The following ZNF679 variants were observed in gnomAD, a reference collection of about 807,000 sequenced individuals.
ZNF679 encodes the protein hypothetical protein MGC42415.
Under a neutral mutation model 13.4 loss-of-function variants are expected in ZNF679, and 10 were observed. The ratio of observed to expected loss-of-function variants is 0.75; its 90% CI spans 0.46 to 1.27. The LOEUF (loss-of-function observed/expected upper bound fraction) is 1.27, where lower values mean the gene tolerates loss of function less well. ZNF679 is among the 50% of genes most tolerant of loss of function. ZNF679 has a pLI of 0.00. For synonymous variants in ZNF679, 179 were observed against 162.5 expected (o/e 1.10, Z -0.77); for missense variants, 525 against 477.8 (o/e 1.10, Z -0.92).
intron 1 of ZNF679, among the ~76,000 whole-genome samples, chr7:64,242,845 T>C (rs1787816405): frequency 6.6e-6 from 1 of 152,112 alleles, no homozygotes; most frequent in African/African-American, 2.4e-5. Context: ...ACACCTCTTC[T>C]ATTAGCAAGG....
intron 2 of ZNF679, among the ~76,000 whole-genome samples, chr7:64,253,585 A>G (rs1262866536): frequency 1.3e-5 from 2 of 152,242 alleles, no homozygotes; most frequent in African/African-American, 4.8e-5. Context: ...ACTTTGTAAA[A>G]TAAAACAAAA....
intron 1 of ZNF679, among the ~76,000 whole-genome samples, chr7:64,236,863 AAAAG>A (rs1306434059): frequency 6.8e-6 from 1 of 146,326 alleles, no homozygotes; most frequent in East Asian, 2.2e-4. Flanking sequence ...AAGAAAGAAA[AAAAG>A]AAAGAAGAAA....
intron 1 of ZNF679, among the ~76,000 whole-genome samples, chr7:64,244,998 G>A (rs1175936959): frequency 6.6e-6 from 1 of 152,122 alleles, no homozygotes; most frequent in Non-Finnish European, 1.5e-5. Context: ...CCATTTTGTT[G>A]TTGTTTGTTT....
intron 1 of ZNF679, among the ~76,000 whole-genome samples, chr7:64,236,922 G>GAAAAAGAAAGA (rs58504724): frequency 2.3e-5 from 2 of 85,338 alleles, no homozygotes; most frequent in Non-Finnish European, 4.4e-5. Flanking sequence ...AAGAAAGAAA[G>GAAAAAGAAAGA]AAGAAAGAAA....
At chr7:64,254,418 G>T (rs1309105573) in intron 2 of ZNF679, among the ~76,000 whole-genome samples, 1 of 151,940 alleles carries the variant, frequency 6.6e-6, no homozygotes, top group Non-Finnish European at 1.5e-5. Context: ...TGCCAGGCTG[G>T]AGAATTTTAC....
chr7:64,234,629 T>G (rs940478907), intron 1 of ZNF679, among the ~76,000 whole-genome samples: 2 of 152,184 alleles, frequency 1.3e-5, no homozygotes, highest in Non-Finnish European at 2.9e-5. Flanking sequence ...ATATACTGAC[T>G]TCAGCGTTGT....
intron 2 of ZNF679, among the ~76,000 whole-genome samples, chr7:64,258,253 T>C (rs993514527): frequency 3.3e-5 from 5 of 152,138 alleles, no homozygotes; most frequent in African/African-American, 1.2e-4. Flanking sequence ...GCCGTGGGTG[T>C]GTGTGGCGGT....
chr7:64,249,390 C>G (rs1021629788), intron 2 of ZNF679, among the ~76,000 whole-genome samples: 2 of 152,140 alleles, frequency 1.3e-5, no homozygotes, highest in Non-Finnish European at 2.9e-5. Context: ...TGGACTGGAG[C>G]CCTCTCTGGG....
chr7:64,240,472 T>A (rs1391885198), intron 1 of ZNF679, among the ~76,000 whole-genome samples: 1 of 152,194 alleles, frequency 6.6e-6, no homozygotes, highest in East Asian at 1.9e-4. Context: ...CATAGTGTAT[T>A]ATGATACTGA....
rs189304245 is a variant in ZNF679 at position 64,251,585 on chromosome 7, T to G, written c.39+2429T>G. On this transcript the variant is annotated intron_variant, in intron 2 of 4. Transcript: ENST00000421025. ...TCATAATGCGTGGGTTGAGTTTTTT[T>G]GGGGGAAACCCTACAGGGTAATGTT... Among the ~76,000 whole-genome samples, 11 of 152,308 alleles carry G rather than the reference T, an allele frequency of 7.2e-5. No individual in the cohort carries two copies. In the East Asian group the frequency reaches 7.7e-4, roughly 11 times the overall value.
At chr7:64,238,339 G>A (rs1787753535) in intron 1 of ZNF679, among the ~76,000 whole-genome samples, 1 of 151,936 alleles carries the variant, frequency 6.6e-6, no homozygotes, top group Non-Finnish European at 1.5e-5. Flanking sequence ...GCCCTTTTCA[G>A]CCTAACTTTG....
At chr7:64,231,538 C>T (rs925300125) in intron 1 of ZNF679, among the ~76,000 whole-genome samples, 2 of 152,188 alleles carry the variant, frequency 1.3e-5, no homozygotes, top group Admixed American at 6.5e-5. Context: ...GGAGCAGAGT[C>T]ATGTCACATA....
chr7:64,241,303 C>T (rs1199801491), intron 1 of ZNF679, among the ~76,000 whole-genome samples: 3 of 152,212 alleles, frequency 2.0e-5, no homozygotes, highest in Non-Finnish European at 4.4e-5. Flanking sequence ...AAGCTGTGCC[C>T]ATGTGTATTT....
intron 1 of ZNF679, among the ~76,000 whole-genome samples, chr7:64,236,967 AAGAAAGAAAAAG>A (rs1381068268): frequency 9.2e-4 from 22 of 24,022 alleles, no homozygotes; most frequent in African/African-American, 2.8e-3. Context: ...GAAAGAAAGA[AAGAAAGAAAAAG>A]AAAGAAAGAA....
At chr7:64,233,969 G>T (rs1354500395) in intron 1 of ZNF679, among the ~76,000 whole-genome samples, 2 of 152,184 alleles carry the variant, frequency 1.3e-5, no homozygotes, top group Non-Finnish European at 2.9e-5. Context: ...GGATGAAGGA[G>T]CTCTGAGAAG....
At chr7:64,258,310 G>A (rs1301008070) in intron 2 of ZNF679, among the ~76,000 whole-genome samples, 2 of 152,128 alleles carry the variant, frequency 1.3e-5, no homozygotes, top group East Asian at 1.9e-4. Flanking sequence ...CAAGATGCAG[G>A]TTTGATATGT....
intron 2 of ZNF679, among the ~76,000 whole-genome samples, chr7:64,250,867 G>A (rs572502597): frequency 7.1e-4 from 108 of 152,078 alleles, no homozygotes; most frequent in Non-Finnish European, 1.2e-3. Context: ...GATTACAGGC[G>A]TGAGCCACCA....
At chr7:64,229,664 A>T (rs1402779137) in intron 1 of ZNF679, among the ~76,000 whole-genome samples, 2 of 152,084 alleles carry the variant, frequency 1.3e-5, no homozygotes, top group East Asian at 3.9e-4. Context: ...ATTTCCTGTG[A>T]CCTTTTATAA....
chr7:64,238,898 G>A (rs557983388), intron 1 of ZNF679, among the ~76,000 whole-genome samples: 21 of 152,186 alleles, frequency 1.4e-4, no homozygotes, highest in African/African-American at 4.6e-4. Context: ...GGCATTACAC[G>A]TAGGCCCAGT....
Sources: allele counts gnomAD v4.1 joint callset (sites outside exome capture counted in the v4.1 genomes callset), GRCh38; gene constraint gnomAD v4.1.1; transcripts MANE v1.5; gene names NCBI Gene and HGNC (gene_info 2026-07-23, HGNC 2026-07-21).